VARS1: variants seen among roughly 807,000 people sequenced by gnomAD.
VARS1 encodes valyl-tRNA synthetase 1.
A neutral mutation model predicts 161.0 loss-of-function variants in VARS1; 92 were observed. That is an observed-to-expected ratio of 0.57 (90% confidence interval 0.48 to 0.68). The LOEUF (loss-of-function observed/expected upper bound fraction) is 0.68, where lower values mean the gene tolerates loss of function less well. Among genes scored for constraint, VARS1 ranks in the 30% least tolerant of loss-of-function variants. VARS1 has a pLI of 0.00. For missense variants in VARS1, 1,338 were observed against 1,695.9 expected (o/e 0.79, Z 3.71); for synonymous variants, 595 against 682.5 (o/e 0.87, Z 2.00).
rs1812908295 is a variant in VARS1 at position 31,778,795 on chromosome 6, C to G, written c.3726+172G>C. On this transcript the variant is annotated intron_variant, in intron 29 of 29. Coordinates refer to ENST00000375663, the MANE Select transcript of VARS1 (RefSeq NM_006295.3). This position sits in a 1 kb window ranked among gnomAD's most constrained non-coding sequence, Gnocchi z 5.1. ...TTTCTGGGATTACAGGTGTGAGCCACTGAGCCAGGCTGTTTTGTTTTTTAA... is the reference window on the plus strand; with the variant it reads ...TTTCTGGGATTACAGGTGTGAGCCAGTGAGCCAGGCTGTTTTGTTTTTTAA... The G allele has an allele frequency of 1.1e-6, 1 of 914,942 alleles. No individual in the cohort carries two copies. Among genetic ancestry groups the G allele is most frequent in the Admixed American group, 2.8e-5 (1 of 35,524 alleles). 56.7% of individuals were successfully genotyped at this position (914,942 alleles called of 1,614,324 possible). A position where few individuals can be genotyped will look rare whatever the true frequency, so the allele number is the denominator to read the frequency against.
In VARS1 at chr6:31,779,061, G is replaced by C; in HGVS notation, c.3632C>G (p.Ala1211Gly). The C allele has an allele frequency of 6.2e-7, 1 of 1,612,696 alleles. No individual in the cohort carries two copies. The highest frequency in any genetic ancestry group is 1.1e-5 in the South Asian group (1 of 91,040). The change falls in exon 29 of 30, where the codon GCC (alanine) becomes GGC (glycine). Residue 1211 changes from alanine to glycine, a missense_variant. Around this residue, in one of 3 missense-constraint regions of VARS1, gnomAD observed 433 missense variants for 586.2 expected, o/e 0.74. Coordinates refer to ENST00000375663, the MANE Select transcript of VARS1 (RefSeq NM_006295.3). This position sits in a 1 kb window ranked among gnomAD's most constrained non-coding sequence, Gnocchi z 9.1. ...LGKLQAKRVE[A>G]QRQAQRLRER... ...CCGCAGACGCTGGGCCTGCCGCTGG[G>C]CCTCAACTCGCTTGGCTTGCAGCTT...
Position 31,782,361 on chromosome 6 carries a change from C to G in VARS1, c.2074G>C (p.Ala692Pro), listed in dbSNP as rs747824231. The change falls in exon 17 of 30, where the codon GCT becomes CCT. Residue 692 changes from alanine to proline, a missense_variant. Coordinates refer to ENST00000375663, the MANE Select transcript of VARS1 (RefSeq NM_006295.3). The surrounding 1 kb of genome is among the most constrained non-coding windows in gnomAD (Gnocchi z 8.3). Reference protein sequence around the residue: ...CGEMAQAASAAVTRGDLRILP... With the variant: ...CGEMAQAASAPVTRGDLRILP... The stretch of plus-strand genomic sequence containing the variant: ...ATGCGGAGGTCACCCCGAGTCACAG[C>G]GGCGCTGGCAGCCTGGGCCATCTCC... The G allele has an allele frequency of 2.5e-6, 4 of 1,612,644 alleles. No individual in the cohort carries two copies. Among genetic ancestry groups the G allele is most frequent in the Non-Finnish European group, 3.4e-6 (4 of 1,179,856 alleles).
rs1812986649 is a variant in VARS1 at position 31,779,510 on chromosome 6, T to C, written c.3315A>G (p.Glu1105=). 6.2e-7 allele frequency: 1 copy of C among 1,612,732 alleles called. No individual in the cohort carries two copies. The part of the protein sequence containing the change: ...SECSWKDPEA[E]AALELALSIT... ...TGCTTAGCGCCAGCTCAAGGGCGGC[T>C]TCTGCCTCGGGGTCCTTCCAGGAGC... Residue 1105 remains glutamate (E), a synonymous_variant, in exon 28 of 30, where the codon GAA becomes GAG. Coordinates refer to ENST00000375663, the MANE Select transcript of VARS1 (RefSeq NM_006295.3). This position sits in a 1 kb window ranked among gnomAD's most constrained non-coding sequence, Gnocchi z 9.1.
Position 31,784,752 on chromosome 6 carries a change from T to C in VARS1, c.1348-38A>G. The C allele has an allele frequency of 6.2e-7, 1 of 1,611,948 alleles. No homozygotes were observed. Among genetic ancestry groups the C allele is most frequent in the South Asian group, 1.1e-5 (1 of 90,970 alleles). On this transcript the variant is annotated intron_variant, in intron 10 of 29. Transcript: ENST00000375663. This position sits in a 1 kb window ranked among gnomAD's most constrained non-coding sequence, Gnocchi z 6.1. Reference sequence around the variant, plus strand: ...AGGGAGAAGTCAGAGAGATGGGCCTTGTGCCTGGAGGCCCAGGCAGACACC... The same window carrying C: ...AGGGAGAAGTCAGAGAGATGGGCCTCGTGCCTGGAGGCCCAGGCAGACACC...
rs1026022086 is a variant in VARS1, at chr6:31,792,091, C to T, written c.872-120G>A. 26 of 1,460,934 alleles carry T rather than the reference C, an allele frequency of 1.8e-5. No homozygotes were observed. The African/African-American group carries it at 3.7e-4, about 21-fold the overall frequency. 90.5% of individuals were successfully genotyped at this position (1,460,934 alleles called of 1,614,324 possible). Reference sequence around the variant, plus strand: ...CATCATAGGACAGGCATTTGAGGGGCCTAGAGGCAGGGCAGGGGGTCTGCA... The same window carrying T: ...CATCATAGGACAGGCATTTGAGGGGTCTAGAGGCAGGGCAGGGGGTCTGCA... On this transcript the variant is annotated intron_variant, in intron 6 of 29. Coordinates refer to ENST00000375663, the MANE Select transcript of VARS1 (RefSeq NM_006295.3).
chr6:31,780,569 C>T lies in VARS1; in HGVS notation c.2798-1G>A. On this transcript the variant is annotated splice_acceptor_variant, in intron 24 of 29. Transcript: ENST00000375663. LOFTEE classifies it high-confidence loss of function. This position sits in a 1 kb window ranked among gnomAD's most constrained non-coding sequence, Gnocchi z 5.1. ...TTCACATCCAGGTTGATGTCACGACCTGGGTCGGGGGTGAGATGTGAGTCC... is the reference window on the plus strand; with the variant it reads ...TTCACATCCAGGTTGATGTCACGACTTGGGTCGGGGGTGAGATGTGAGTCC... 6.2e-7 allele frequency: 1 copy of T among 1,613,450 alleles called. No individual in the cohort carries two copies. The highest frequency in any genetic ancestry group is 8.5e-7 in the Non-Finnish European group (1 of 1,179,676).
At position 31,779,698 on chromosome 6, in the gene VARS1, G is replaced by T; in HGVS notation, c.3198C>A (p.Phe1066Leu). The stretch of plus-strand genomic sequence containing the variant: ...GCCTCTGGAACAGCTCCTCCGTCAC[G>T]AAGGGCATGAAGGGTGAGAGCAGCC... ...GLRLLSPFMP[F>L]VTEELFQRLP... The change falls in exon 27 of 30, where the codon TTC becomes TTA. Residue 1066 changes from phenylalanine to leucine, a missense_variant. Phe to Leu is a conservative substitution (Grantham distance 22). Around this residue, in one of 3 missense-constraint regions of VARS1, gnomAD observed 433 missense variants for 586.2 expected, o/e 0.74. Coordinates refer to ENST00000375663, the MANE Select transcript of VARS1 (RefSeq NM_006295.3). The surrounding 1 kb of genome is among the most constrained non-coding windows in gnomAD (Gnocchi z 9.1). 1.9e-6 allele frequency: 3 copies of T among 1,613,028 alleles called. No homozygotes were observed. The highest frequency in any genetic ancestry group is 2.5e-6 in the Non-Finnish European group (3 of 1,180,010).
chr6:31,784,468 A>G lies in VARS1; in HGVS notation c.1502T>C (p.Leu501Pro). Residue 501 changes from leucine to proline, a missense_variant, in exon 12 of 30, where the codon CTC (leucine) becomes CCC (proline). By Grantham distance (98) the Leu-to-Pro change is moderately conservative. Coordinates refer to ENST00000375663, the MANE Select transcript of VARS1 (RefSeq NM_006295.3). This position sits in a 1 kb window ranked among gnomAD's most constrained non-coding sequence, Gnocchi z 6.1. ...DKKELTGRTL[L>P]SVPGYKEKVE... The stretch of plus-strand genomic sequence containing the variant: ...CTTCTCCTTGTAGCCAGGCACGGAG[A>G]GCAGGGTGCGACCTGTCAGCTCCTT... The G allele has an allele frequency of 6.2e-7, 1 of 1,614,096 alleles. No homozygotes were observed. Among genetic ancestry groups the G allele is most frequent in the Non-Finnish European group, 8.5e-7 (1 of 1,180,030 alleles).
chr6:31,777,901 T>C lies in VARS1; in HGVS notation c.3727-239A>G, dbSNP rs1812844959. ...GTGAGTCCCCAAGAACAAAGGAACC[T>C]CAGAGCCTACGTGTTCCCCATTCAG... On this transcript the variant is annotated intron_variant, in intron 29 of 29. Transcript: ENST00000375663. The surrounding 1 kb of genome is among the most constrained non-coding windows in gnomAD (Gnocchi z 5.8). The C allele has an allele frequency of 3.4e-6, 2 of 595,548 alleles. No homozygotes were observed. The highest frequency in any genetic ancestry group is 6.0e-6 in the Non-Finnish European group (2 of 334,778). 36.9% of individuals were successfully genotyped at this position (595,548 alleles called of 1,614,324 possible). A position where few individuals can be genotyped will look rare whatever the true frequency, so the allele number is the denominator to read the frequency against.
intron 8 of VARS1, among the ~76,000 whole-genome samples, chr6:31,786,798 T>G (rs564549095): frequency 6.6e-6 from 1 of 151,888 alleles, no homozygotes; most frequent in South Asian, 2.1e-4. Context: ...ACAAGCAAAT[T>G]TAGTGTTTGT....
At chr6:31,790,602 C>CAAAAAA (rs9279419) in intron 8 of VARS1, among the ~76,000 whole-genome samples, 10 of 43,408 alleles carry the variant, frequency 2.3e-4, no homozygotes, top group Admixed American at 4.0e-4. Context: ...AACTCTGTCT[C>CAAAAAA]AAAAAAAAAA....
Position 31,778,007 on chromosome 6 carries a change from T to C in VARS1, c.3727-345A>G. 2 of 385,294 alleles carry C rather than the reference T, an allele frequency of 5.2e-6. No individual in the cohort carries two copies. Among genetic ancestry groups the C allele is most frequent in the East Asian group, 4.7e-5 (1 of 21,298 alleles). 23.9% of individuals were successfully genotyped at this position (385,294 alleles called of 1,614,324 possible). On this transcript the variant is annotated intron_variant, in intron 29 of 29. Coordinates refer to ENST00000375663, the MANE Select transcript of VARS1 (RefSeq NM_006295.3). This position sits in a 1 kb window ranked among gnomAD's most constrained non-coding sequence, Gnocchi z 5.1. The stretch of plus-strand genomic sequence containing the variant: ...GATGATGATGATGATATTGCCCCCC[T>C]CCCAGGGCTCTTGGGAGAACCAAGT...
In VARS1 at chr6:31,777,743, A is replaced by G. The variant is rs1352717476; in HGVS notation, c.3727-81T>C. The G allele has an allele frequency of 1.4e-5, 22 of 1,518,410 alleles. No individual in the cohort carries two copies. The highest frequency in any genetic ancestry group is 1.8e-5 in the Non-Finnish European group (20 of 1,114,326). 94.1% of individuals were successfully genotyped at this position (1,518,410 alleles called of 1,614,324 possible). A position where few individuals can be genotyped will look rare whatever the true frequency, so the allele number is the denominator to read the frequency against. On this transcript the variant is annotated intron_variant, in intron 29 of 29. Coordinates refer to ENST00000375663, the MANE Select transcript of VARS1 (RefSeq NM_006295.3). This position sits in a 1 kb window ranked among gnomAD's most constrained non-coding sequence, Gnocchi z 5.8. ...AACACCCAGGACAACAAAGTTGGAA[A>G]GATGAGCGAGGACCATGGGAGGTCA... is the stretch of plus-strand genomic sequence containing the variant.
intron 13 of VARS1, 119 bp from the exon 14 acceptor site, chr6:31,783,305 G>A: frequency 9.9e-7 from 1 of 1,011,404 alleles, no homozygotes. Context: ...GGGAGTTGGA[G>A]ACCAGCCTGG....
rs946692522 is a variant in VARS1 at position 31,792,670 on chromosome 6, T to C, written c.661+87A>G. 3.8e-5 allele frequency: 60 copies of C among 1,597,952 alleles called. No individual in the cohort carries two copies. The African/African-American group carries it at 7.1e-4, about 19-fold the overall frequency. On this transcript the variant is annotated intron_variant, in intron 4 of 29. Coordinates refer to ENST00000375663, the MANE Select transcript of VARS1 (RefSeq NM_006295.3). ...CTCCCGCAGGACCCTGCCCCAGTGA[T>C]TCTGCCATTTCTAGGAAAAAAAGAA...
Position 31,792,221 on chromosome 6 carries a change from C to G in VARS1, c.867G>C (p.Lys289Asn). 6.2e-7 allele frequency: 1 copy of G among 1,613,776 alleles called. No homozygotes were observed. The highest frequency in any genetic ancestry group is 8.5e-7 in the Non-Finnish European group (1 of 1,179,986). ...TYDLPTPPGE[K>N]KDVSGPMPDS... The stretch of plus-strand genomic sequence containing the variant: ...GCCCCTTCCCACTCCTAGTACCTTT[C>G]TTTTCCCCGGGTGGGGTTGGGAGGT... Residue 289 changes from lysine to asparagine, a missense_variant, in exon 6 of 30, where the codon AAG becomes AAC. Lys to Asn is a moderately conservative substitution (Grantham distance 94). Coordinates refer to ENST00000375663, the MANE Select transcript of VARS1 (RefSeq NM_006295.3).
In VARS1 at chr6:31,780,380, C is replaced by T. The variant is rs1186585437; in HGVS notation, c.2925+61G>A. On this transcript the variant is annotated intron_variant, in intron 25 of 29. Coordinates refer to ENST00000375663, the MANE Select transcript of VARS1 (RefSeq NM_006295.3). The surrounding 1 kb of genome is among the most constrained non-coding windows in gnomAD (Gnocchi z 5.1). ...TGTCCCCCCAGCTACATGGAGGCTG[C>T]TCCGGACAGGGGTACAGCCTGTGTG... is the stretch of plus-strand genomic sequence containing the variant. The T allele has an allele frequency of 6.3e-7, 1 of 1,575,408 alleles. No individual in the cohort carries two copies. The highest frequency in any genetic ancestry group is 8.6e-7 in the Non-Finnish European group (1 of 1,160,216).
In VARS1 at chr6:31,779,364, G is replaced by A. The variant is rs1554220240; in HGVS notation, c.3400+61C>T. The A allele has an allele frequency of 6.2e-7, 1 of 1,603,256 alleles. No homozygotes were observed. Among genetic ancestry groups the A allele is most frequent in the South Asian group, 1.1e-5 (1 of 90,970 alleles). On this transcript the variant is annotated intron_variant, in intron 28 of 29. Coordinates refer to ENST00000375663, the MANE Select transcript of VARS1 (RefSeq NM_006295.3). The surrounding 1 kb of genome is among the most constrained non-coding windows in gnomAD (Gnocchi z 9.1). ...AACCAAGCAGTCACTGCCGGACACTGGGTCCCAGAGTAGGCTGAGGGGACA... is the reference window on the plus strand; with the variant it reads ...AACCAAGCAGTCACTGCCGGACACTAGGTCCCAGAGTAGGCTGAGGGGACA...
chr6:31,794,088 T>C (rs3115670), intron 2 of VARS1, among the ~76,000 whole-genome samples: 122,658 of 140,068 alleles, frequency 0.88, 53,971 homozygotes, highest in African/African-American at 0.97. Context: ...AAGGAGATTC[T>C]GTCTCAAAAA....
Sources: gnomAD v4.1 joint callset for allele counts (sites outside exome capture counted in the v4.1 genomes callset) on GRCh38, gnomAD v4.1.1 for gene constraint, gnomAD v4.1.1 regional missense constraint, Gnocchi (gnomAD v3.1) non-coding constraint, MANE v1.5 for transcripts, NCBI Gene and HGNC (gene_info 2026-07-23, HGNC 2026-07-21) for gene names.